The following TAFA1 variants were observed in gnomAD, a reference collection of about 807,000 sequenced individuals.
TAFA1 encodes the protein chemokine-like protein TAFA-1.
A neutral mutation model predicts 18.5 loss-of-function variants in TAFA1; 4 were observed. That is an observed-to-expected ratio of 0.22 (90% confidence interval 0.11 to 0.49). The LOEUF is 0.49. Among genes scored for constraint, TAFA1 ranks in the 20% least tolerant of loss-of-function variants. TAFA1 has a pLI of 0.98. For missense variants in TAFA1, 147 were observed against 169.0 expected (o/e 0.87, Z 0.72); for synonymous variants, 56 against 55.2 (o/e 1.01, Z -0.06).
intron 3 of TAFA1, among the ~76,000 whole-genome samples, chr3:68,484,226 A>G (rs189341038): frequency 6.6e-5 from 10 of 152,302 alleles, no homozygotes; most frequent in East Asian, 1.9e-4. Flanking sequence ...CTTATAGCGT[A>G]TCTCATTTGG....
chr3:68,111,780 A>AGAGAGAGAGAGAG (rs377007942), intron 2 of TAFA1, among the ~76,000 whole-genome samples: 4 of 145,938 alleles, frequency 2.7e-5, no homozygotes, highest in Admixed American at 1.3e-4. Flanking sequence ...ACACATGAGA[A>AGAGAGAGAGAGAG]AGAGAGAGAG....
chr3:68,159,419 C>T (rs996914123), intron 2 of TAFA1, among the ~76,000 whole-genome samples: 10 of 152,130 alleles, frequency 6.6e-5, no homozygotes, highest in African/African-American at 1.2e-4. Flanking sequence ...CATGCCAGAA[C>T]GTCTGTGGTC....
chr3:68,385,709 A>C (rs2070085083), intron 2 of TAFA1, among the ~76,000 whole-genome samples: 1 of 152,074 alleles, frequency 6.6e-6, no homozygotes, highest in South Asian at 2.1e-4. Context: ...CTGTAGGCCA[A>C]ACTCTACTTG....
intron 2 of TAFA1, among the ~76,000 whole-genome samples, chr3:68,101,367 A>G (rs1045745204): frequency 6.6e-5 from 10 of 152,070 alleles, no homozygotes; most frequent in African/African-American, 2.4e-4. Context: ...CTTGTTACAT[A>G]TGTATACATG....
At chr3:68,386,405 TG>T (rs1462219236) in intron 2 of TAFA1, among the ~76,000 whole-genome samples, 13 of 152,288 alleles carry the variant, frequency 8.5e-5, no homozygotes, top group South Asian at 2.1e-4. Flanking sequence ...TTTTTTTGTT[TG>T]TTTTTTTAGT....
At chr3:68,292,561 C>A (rs1337046362) in intron 2 of TAFA1, among the ~76,000 whole-genome samples, 1 of 152,154 alleles carries the variant, frequency 6.6e-6, no homozygotes, top group Non-Finnish European at 1.5e-5. Flanking sequence ...AGGTCTCACT[C>A]TATCGCCCAA....
intron 3 of TAFA1, among the ~76,000 whole-genome samples, chr3:68,510,195 CAG>C (rs1491454722): frequency 6.6e-6 from 1 of 152,108 alleles, no homozygotes; most frequent in African/African-American, 2.4e-5. Context: ...CTCTCGTAGG[CAG>C]AGTCTGTTAC....
At chr3:68,304,940 A>G (rs2068376517) in intron 2 of TAFA1, among the ~76,000 whole-genome samples, 1 of 152,112 alleles carries the variant, frequency 6.6e-6, no homozygotes, top group Non-Finnish European at 1.5e-5. Flanking sequence ...GGATAGCTCC[A>G]TTTTACCTCT....
chr3:68,161,185 A>T (rs1158834761), intron 2 of TAFA1, among the ~76,000 whole-genome samples: 3 of 152,226 alleles, frequency 2.0e-5, no homozygotes, highest in Non-Finnish European at 2.9e-5. Context: ...ATTTTCCCAT[A>T]GAAGGTATAA....
intron 2 of TAFA1, among the ~76,000 whole-genome samples, chr3:68,343,142 C>T (rs968578577): frequency 6.6e-6 from 1 of 152,126 alleles, no homozygotes; most frequent in Admixed American, 6.5e-5. Context: ...CATTAAGAAG[C>T]AAATGTCCTA....
intron 3 of TAFA1, among the ~76,000 whole-genome samples, chr3:68,483,098 A>C (rs969169199): frequency 6.6e-6 from 1 of 152,198 alleles, no homozygotes; most frequent in African/African-American, 2.4e-5. Context: ...CCCTTGAAAT[A>C]AAAAGGTGCA....
intron 2 of TAFA1, among the ~76,000 whole-genome samples, chr3:68,225,847 G>T (rs1032605831): frequency 3.3e-5 from 5 of 150,786 alleles, no homozygotes; most frequent in Admixed American, 3.3e-4. Context: ...TGAAAATGAA[G>T]CAATAACAAT....
chr3:68,420,579 G>A (rs1183182755), intron 3 of TAFA1, among the ~76,000 whole-genome samples: 1 of 152,078 alleles, frequency 6.6e-6, no homozygotes, highest in African/African-American at 2.4e-5. Context: ...ACTGGGACTA[G>A]TTCTCAACTG....
intron 3 of TAFA1, among the ~76,000 whole-genome samples, chr3:68,427,397 A>G (rs1173372874): frequency 2.0e-5 from 3 of 151,850 alleles, no homozygotes; most frequent in Non-Finnish European, 2.9e-5. Context: ...ATGAATAACT[A>G]GCAAATCTTG....
At chr3:68,480,327 T>A (rs1408310738) in intron 3 of TAFA1, among the ~76,000 whole-genome samples, 1 of 151,716 alleles carries the variant, frequency 6.6e-6, no homozygotes, top group Non-Finnish European at 1.5e-5. Context: ...CGCTTGAACC[T>A]GGGAGGCGGA....
chr3:68,062,025 A>G (rs1559721925), intron 2 of TAFA1, among the ~76,000 whole-genome samples: 1 of 152,150 alleles, frequency 6.6e-6, no homozygotes, highest in Non-Finnish European at 1.5e-5. Flanking sequence ...AACATATACT[A>G]GACATAAGTA....
chr3:68,196,064 C>G (rs572479087), intron 2 of TAFA1, among the ~76,000 whole-genome samples: 28 of 151,692 alleles, frequency 1.8e-4, no homozygotes, highest in Non-Finnish European at 3.1e-4. Context: ...GATCACAAAG[C>G]TGAGGTTTTG....
chr3:68,023,876 C>A (rs1008849854), intron 2 of TAFA1, among the ~76,000 whole-genome samples: 1 of 152,242 alleles, frequency 6.6e-6, no homozygotes, highest in Admixed American at 6.5e-5. Context: ...GGCTATGGAA[C>A]TTTCTTTCCT....
chr3:68,310,628 A>G (rs1399142496), intron 2 of TAFA1, among the ~76,000 whole-genome samples: 1 of 152,214 alleles, frequency 6.6e-6, no homozygotes, highest in Non-Finnish European at 1.5e-5. Context: ...GATATATGTT[A>G]ATGATAAATA....
Sources: gnomAD v4.1 joint callset for allele counts (sites outside exome capture counted in the v4.1 genomes callset) on GRCh38, gnomAD v4.1.1 for gene constraint, MANE v1.5 for transcripts, NCBI Gene and HGNC (gene_info 2026-07-23, HGNC 2026-07-21) for gene names.